DYNC1I1: variants seen among roughly 807,000 people sequenced by gnomAD.
DYNC1I1 encodes the protein cytoplasmic dynein 1 intermediate chain 1.
A neutral mutation model predicts 86.6 loss-of-function variants in DYNC1I1; 43 were observed. The ratio of observed to expected loss-of-function variants is 0.50; its 90% CI spans 0.39 to 0.64. DYNC1I1 has a LOEUF of 0.64. Ranked by LOEUF, DYNC1I1 falls within the 30% of genes least tolerant of loss-of-function variation. The pLI is 0.00. For missense variants in DYNC1I1, 604 were observed against 788.8 expected (o/e 0.77, Z 2.81); for synonymous variants, 262 against 283.7 (o/e 0.92, Z 0.77).
At chr7:96,084,077 G>GC (rs1285712817) in intron 16 of DYNC1I1, among the ~76,000 whole-genome samples, 1 of 152,096 alleles carries the variant, frequency 6.6e-6, no homozygotes, top group Non-Finnish European at 1.5e-5. Context: ...GAAAAGAGGG[G>GC]CCTGTAGGCT....
chr7:95,899,035 G>T (rs140235801), intron 6 of DYNC1I1, among the ~76,000 whole-genome samples: 101 of 152,144 alleles, frequency 6.6e-4, no homozygotes, highest in African/African-American at 2.3e-3. Context: ...TAGGCTTTTT[G>T]ATTTTTTTTC....
chr7:95,876,410 C>T (rs1790310412), intron 6 of DYNC1I1, among the ~76,000 whole-genome samples: 1 of 152,258 alleles, frequency 6.6e-6, no homozygotes, highest in Non-Finnish European at 1.5e-5. Context: ...AATATCCTTT[C>T]TCCCTCAATT....
intron 10 of DYNC1I1, among the ~76,000 whole-genome samples, chr7:96,012,716 T>A (rs1325891851): frequency 6.6e-6 from 1 of 152,118 alleles, no homozygotes; most frequent in Admixed American, 6.6e-5. Flanking sequence ...TTGAAGTGCT[T>A]AATTTATCAT....
At chr7:95,803,336 C>G (rs989113912) in intron 1 of DYNC1I1, among the ~76,000 whole-genome samples, 1 of 152,166 alleles carries the variant, frequency 6.6e-6, no homozygotes, top group Admixed American at 6.5e-5. Context: ...TTTTGCTTAT[C>G]TTTGTATCCC....
intron 6 of DYNC1I1, among the ~76,000 whole-genome samples, chr7:95,889,727 A>G (rs1325105110): frequency 6.6e-6 from 1 of 152,154 alleles, no homozygotes; most frequent in Non-Finnish European, 1.5e-5. Context: ...TATCTATAAA[A>G]AAACTTTAAC....
At chr7:95,772,899 G>C (rs1397570964) in intron 1 of DYNC1I1, 126 bp downstream of exon 1, 1 of 147,694 alleles carries the variant, frequency 6.8e-6, no homozygotes, top group East Asian at 2.2e-4. Context: ...AGCCGCAGCC[G>C]GACCCTTGTC....
At chr7:95,994,198 A>T (rs1172355913) in intron 9 of DYNC1I1, among the ~76,000 whole-genome samples, 1 of 152,208 alleles carries the variant, frequency 6.6e-6, no homozygotes, top group Non-Finnish European at 1.5e-5. Flanking sequence ...CTAAAATTAA[A>T]AATTTTAAAT....
At chr7:96,089,585 C>T (rs1243205882) in intron 16 of DYNC1I1, among the ~76,000 whole-genome samples, 3 of 152,064 alleles carry the variant, frequency 2.0e-5, no homozygotes, top group Non-Finnish European at 4.4e-5. Flanking sequence ...AGTTTCCCTC[C>T]CCTCCTGTGC....
intron 14 of DYNC1I1, among the ~76,000 whole-genome samples, chr7:96,045,001 G>A (rs892315900): frequency 6.6e-6 from 1 of 152,136 alleles, no homozygotes; most frequent in Non-Finnish European, 1.5e-5. Flanking sequence ...ATGTGGGCAG[G>A]AGCCTTACCA....
intron 6 of DYNC1I1, among the ~76,000 whole-genome samples, chr7:95,976,672 C>A (rs563664061): frequency 2.0e-5 from 3 of 152,264 alleles, no homozygotes; most frequent in South Asian, 2.1e-4. Flanking sequence ...TATTTAAAGA[C>A]TGAAAGCAAA....
chr7:95,782,343 G>T (rs955325643), intron 1 of DYNC1I1, among the ~76,000 whole-genome samples: 2 of 152,146 alleles, frequency 1.3e-5, no homozygotes, highest in African/African-American at 4.8e-5. Context: ...CAGTCTCTAT[G>T]GGGCACCCCT....
At chr7:95,841,673 G>T (rs1344428440) in intron 5 of DYNC1I1, among the ~76,000 whole-genome samples, 1 of 152,208 alleles carries the variant, frequency 6.6e-6, no homozygotes, top group South Asian at 2.1e-4. Context: ...GAGTGAGCTG[G>T]AGGAAGGAGC....
chr7:95,846,621 CTCTCTCTG>C lies in DYNC1I1; in HGVS notation c.374+18507_374+18514del, dbSNP rs1162440836. Among the ~76,000 whole-genome samples, 622 of 120,370 alleles carry C rather than the reference CTCTCTCTG, an allele frequency of 5.2e-3. 6 individuals carry two copies. The highest frequency in any genetic ancestry group is 0.019 in the African/African-American group (570 of 29,590). The allele number at this position is 120,370 out of a possible 152,430, so 79.0% of individuals were successfully genotyped here. Reference sequence around the variant, plus strand: ...CATTCTGAACATAAATGATAAATCTCTCTCTCTGTGTGTGTGTGTGTGTGTGTGTGTGT... The same window carrying C: ...CATTCTGAACATAAATGATAAATCTCTGTGTGTGTGTGTGTGTGTGTGTGT... On this transcript the variant is annotated intron_variant, in intron 5 of 16. Transcript: ENST00000447467.
chr7:96,073,326 G>A (rs1286056177), intron 14 of DYNC1I1, among the ~76,000 whole-genome samples: 1 of 152,096 alleles, frequency 6.6e-6, no homozygotes, highest in African/African-American at 2.4e-5. Context: ...AAGAAACTGG[G>A]TTTTGGTAAC....
chr7:95,792,232 G>A (rs1037300918), intron 1 of DYNC1I1, among the ~76,000 whole-genome samples: 25 of 152,150 alleles, frequency 1.6e-4, no homozygotes, highest in African/African-American at 6.0e-4. Flanking sequence ...TACGTGCAGG[G>A]TACTCTAACA....
intron 6 of DYNC1I1, among the ~76,000 whole-genome samples, chr7:95,906,779 C>T (rs2116326914): frequency 6.6e-6 from 1 of 152,234 alleles, no homozygotes; most frequent in African/African-American, 2.4e-5. Context: ...ACCTGAAAAA[C>T]TACAGTCTAC....
At chr7:95,965,338 C>G (rs1209580006) in intron 6 of DYNC1I1, among the ~76,000 whole-genome samples, 2 of 152,188 alleles carry the variant, frequency 1.3e-5, no homozygotes, top group Non-Finnish European at 2.9e-5. Flanking sequence ...TTCAGGCAGT[C>G]TGGCACCAGT....
intron 9 of DYNC1I1, 124 bp from the exon 10 acceptor site, chr7:95,995,822 GTA>G: frequency 8.3e-6 from 11 of 1,332,928 alleles, no homozygotes; most frequent in Non-Finnish European, 1.1e-5. Context: ...CTGATAGTAG[GTA>G]TGCCACAACA....
intron 6 of DYNC1I1, among the ~76,000 whole-genome samples, chr7:95,944,493 A>G (rs1287211701): frequency 1.3e-5 from 2 of 152,222 alleles, no homozygotes; most frequent in Non-Finnish European, 2.9e-5. Flanking sequence ...AGAACTAGAA[A>G]TACCATCTGA....
Sources: allele counts gnomAD v4.1 joint callset (sites outside exome capture counted in the v4.1 genomes callset), GRCh38; gene constraint gnomAD v4.1.1; transcripts MANE v1.5; gene names NCBI Gene and HGNC (gene_info 2026-07-23, HGNC 2026-07-21).